The following CCDC47 variants were observed in gnomAD, a reference collection of about 807,000 sequenced individuals.
CCDC47 encodes the protein coiled-coil domain containing 47.
In CCDC47, 41 loss-of-function variants were observed where a neutral mutation model predicts 60.5. The ratio of observed to expected loss-of-function variants is 0.68; its 90% confidence interval spans 0.53 to 0.88. The LOEUF is 0.88. CCDC47 is among the 40% of genes least tolerant of loss of function. The pLI is 0.00. For synonymous variants in CCDC47, 195 were observed against 190.7 expected, an observed-to-expected ratio of 1.02 and a Z score of -0.18; for missense variants, 513 against 580.9, an observed-to-expected ratio of 0.88 and a Z score of 1.20.
In CCDC47 at chr17:63,752,407, G is replaced by A. The variant is rs1195788966; in HGVS notation, c.1116C>T (p.Tyr372=). 6.2e-7 allele frequency: 1 copy of A among 1,613,060 alleles called. No homozygotes were observed. Among genetic ancestry groups the A allele is most frequent in the Admixed American group, 1.7e-5 (1 of 59,926 alleles). ...GTAGCAGTGCCTCCATATCCTTTGG[G>A]TAAGTGTTACCTGAGCCAGGCACTG... ...TFNVPGSGNT[Y]PKDMEALLPL... is the part of the protein sequence containing the mutation. Residue 372 remains tyrosine, a synonymous_variant, in exon 11 of 13, where the codon TAC becomes TAT. Transcript: ENST00000225726.
intron 12 of CCDC47, among the ~76,000 whole-genome samples, chr17:63,751,144 T>A (rs1405559875): frequency 2.0e-5 from 3 of 151,472 alleles, no homozygotes; most frequent in Non-Finnish European, 4.4e-5. Flanking sequence ...CCTCCCAAAG[T>A]GCTGGGATTA....
At position 63,764,131 on chromosome 17, in the gene CCDC47, A is replaced by C. The variant is rs545913090; in HGVS notation, c.432T>G (p.Thr144=). ...ESYYLEILMV[T]GLLAYIMNYI... ...AATTCATGATATAAGCAAGCAGACC[A>C]GTCACCATCAAAATTTCTAGATAAT... Residue 144 remains threonine (T), a synonymous_variant, in exon 4 of 13, where the codon ACT becomes ACG. Coordinates refer to ENST00000225726, the MANE Select transcript of CCDC47 (RefSeq NM_020198.3). The C allele has an allele frequency of 6.8e-6, 11 of 1,612,456 alleles. No individual in the cohort carries two copies. The South Asian group carries it at 8.8e-5, about 13-fold the overall frequency.
intron 1 of CCDC47, among the ~76,000 whole-genome samples, chr17:63,771,117 G>C (rs936264089): frequency 2.6e-5 from 4 of 151,816 alleles, no homozygotes; most frequent in Non-Finnish European, 5.9e-5. Flanking sequence ...AAATGATTTT[G>C]AGAAATGCCA....
chr17:63,755,358 G>A (rs2039197465), intron 8 of CCDC47: 3 of 953,210 alleles, frequency 3.1e-6, no homozygotes, highest in Non-Finnish European at 3.7e-6. Flanking sequence ...AGTGGCTCAT[G>A]CCTGTAATCC....
chr17:63,751,846 C>CT (rs1472800239), intron 12 of CCDC47, 94 bp downstream of exon 12: 1 of 1,384,758 alleles, frequency 7.2e-7, no homozygotes, highest in Non-Finnish European at 1.0e-6. Context: ...AAATGCTAAA[C>CT]TTTTAGCCTA....
At chr17:63,762,710 C>T (rs768699229) in intron 4 of CCDC47, among the ~76,000 whole-genome samples, 1 of 152,174 alleles carries the variant, frequency 6.6e-6, no homozygotes, top group Non-Finnish European at 1.5e-5. Context: ...ATCCAAAACT[C>T]AAGTGTCAGA....
intron 9 of CCDC47, 23 bp downstream of exon 9, chr17:63,754,410 C>A (rs773344472): frequency 4.2e-6 from 6 of 1,439,124 alleles, no homozygotes; most frequent in Admixed American, 3.5e-5. Flanking sequence ...AAATTAATTT[C>A]AACAATTTTA....
At chr17:63,755,461 A>G (rs1469274089) in intron 8 of CCDC47, 2 of 77,138 alleles carry the variant, frequency 2.6e-5, no homozygotes, top group Admixed American at 1.1e-4. Context: ...CTCTACTAAG[A>G]AAAAAAAAAA....
Position 63,764,125 on chromosome 17 carries a change from C to G in CCDC47, c.438G>C (p.Leu146=). The G allele has an allele frequency of 6.2e-7, 1 of 1,612,144 alleles. No individual in the cohort carries two copies. The highest frequency in any genetic ancestry group is 8.5e-7 in the Non-Finnish European group (1 of 1,179,510). ...TGATGTAATTCATGATATAAGCAAG[C>G]AGACCAGTCACCATCAAAATTTCTA... ...YYLEILMVTG[L]LAYIMNYIIG... is the part of the protein sequence containing the mutation. The change falls in exon 4 of 13, where the codon CTG becomes CTC. Residue 146 remains leucine (L), a synonymous_variant. Transcript: ENST00000225726.
At chr17:63,770,342 G>A (rs2039328803) in intron 1 of CCDC47, among the ~76,000 whole-genome samples, 1 of 151,910 alleles carries the variant, frequency 6.6e-6, no homozygotes, top group Non-Finnish European at 1.5e-5. Context: ...GAACAGGTTT[G>A]GCATGGAGGC....
At chr17:63,759,287 G>A (rs1381539633) in intron 6 of CCDC47, among the ~76,000 whole-genome samples, 4 of 150,600 alleles carry the variant, frequency 2.7e-5, no homozygotes, top group East Asian at 2.0e-4. Context: ...TCAGAAGTTC[G>A]AGACCAGCCT....
intron 4 of CCDC47, 53 bp from the exon 5 acceptor site, chr17:63,761,404 G>A (rs926343851): frequency 2.1e-5 from 34 of 1,605,230 alleles, no homozygotes; most frequent in South Asian, 8.8e-5. Context: ...AGGCCGGGCC[G>A]GGGGTGGTGG....
intron 4 of CCDC47, among the ~76,000 whole-genome samples, chr17:63,763,103 T>C (rs2039272599): frequency 6.6e-6 from 1 of 152,156 alleles, no homozygotes; most frequent in Admixed American, 6.5e-5. Flanking sequence ...TTATTTTATT[T>C]GTAGAGACAA....
chr17:63,748,343 C>A (rs1344898968), intron 12 of CCDC47, among the ~76,000 whole-genome samples: 2 of 152,114 alleles, frequency 1.3e-5, no homozygotes, highest in Non-Finnish European at 2.9e-5. Flanking sequence ...GAACTCCTGA[C>A]CTCAAGTGAT....
At chr17:63,761,696 C>CA (rs11429721) in intron 4 of CCDC47, 135,686 of 260,222 alleles carry the variant, frequency 0.52, 28,060 homozygotes, top group African/African-American at 0.66. Flanking sequence ...GACTCTGTCT[C>CA]AAAAAAAAAA....
intron 4 of CCDC47, chr17:63,762,153 G>A: frequency 1.0e-6 from 1 of 984,322 alleles, no homozygotes; most frequent in East Asian, 1.1e-4. Flanking sequence ...CTAGAAAAAA[G>A]CTCAAATTCC....
intron 12 of CCDC47, among the ~76,000 whole-genome samples, chr17:63,748,574 ACT>A (rs917296783): frequency 9.3e-5 from 14 of 151,086 alleles, no homozygotes; most frequent in African/African-American, 3.4e-4. Flanking sequence ...CACCACATTC[ACT>A]CTTTTCCCAG....
intron 1 of CCDC47, among the ~76,000 whole-genome samples, chr17:63,772,292 C>T (rs1361678785): frequency 3.3e-5 from 4 of 119,646 alleles, no homozygotes; most frequent in Non-Finnish European, 4.8e-5. Context: ...CTGACTCTGT[C>T]ACCCAGGCTG....
chr17:63,747,325 T>C, intron 12 of CCDC47: 1 of 983,918 alleles, frequency 1.0e-6, no homozygotes. Context: ...CATAAATGTA[T>C]AACTGCCAGA....
Sources: gnomAD v4.1 joint callset for allele counts (sites outside exome capture counted in the v4.1 genomes callset) on GRCh38, gnomAD v4.1.1 for gene constraint, MANE v1.5 for transcripts, NCBI Gene and HGNC (gene_info 2026-07-23, HGNC 2026-07-21) for gene names.